The following ACE variants were observed in gnomAD, a reference collection of about 807,000 sequenced individuals.
ACE encodes the protein angiotensin-converting enzyme.
In ACE, 122 loss-of-function variants were observed where a neutral mutation model predicts 162.3. The ratio of observed to expected loss-of-function variants is 0.75; its 90% CI spans 0.65 to 0.87. The LOEUF (loss-of-function observed/expected upper bound fraction) is 0.87. Ranked by LOEUF, ACE falls within the 40% of genes least tolerant of loss-of-function variation. The pLI is 0.00. For missense variants in ACE, 1,799 were observed against 1,735.1 expected (o/e 1.04, Z -0.65); for synonymous variants, 796 against 720.6 (o/e 1.10, Z -1.68).
At chr17:63,487,914 T>A (rs967193602) in intron 15 of ACE, among the ~76,000 whole-genome samples, 4 of 152,156 alleles carry the variant, frequency 2.6e-5, no homozygotes, top group Non-Finnish European at 5.9e-5. Flanking sequence ...GCCTACAAGT[T>A]GTGGATGTGG....
In ACE at chr17:63,484,019, G is replaced by T. The variant is rs1480723447; in HGVS notation, c.1709+48G>T. The T allele has an allele frequency of 3.2e-6, 5 of 1,569,764 alleles. No individual in the cohort carries two copies. The highest frequency in any genetic ancestry group is 4.3e-6 in the Non-Finnish European group (5 of 1,159,436). On this transcript the variant is annotated intron_variant, in intron 11 of 24. Transcript: ENST00000290866. The surrounding 1 kb of genome is among the most constrained non-coding windows in gnomAD (Gnocchi z 4.0). The stretch of plus-strand genomic sequence containing the variant: ...AAGTGGGAGGCAGAGAGGAGCGGCT[G>T]GCAAAGGGTGTGGCAGGAGGTGTCT...
In ACE at chr17:63,483,137, C is replaced by A; in HGVS notation, c.1451C>A (p.Pro484His). ...WRWGVFSGRTPPSRYNFDWWY... is the reference protein window; with the variant it reads ...WRWGVFSGRTHPSRYNFDWWY... Reference sequence around the variant, plus strand: ...TGGGGGGTCTTTAGTGGGCGTACCCCCCCTTCCCGCTACAACTTCGACTGG... The same window carrying A: ...TGGGGGGTCTTTAGTGGGCGTACCCACCCTTCCCGCTACAACTTCGACTGG... The change falls in exon 9 of 25, where the codon CCC becomes CAC. Residue 484 changes from proline to histidine, a missense_variant. Coordinates refer to ENST00000290866, the MANE Select transcript of ACE (RefSeq NM_000789.4). The A allele has an allele frequency of 6.2e-7, 1 of 1,614,070 alleles. No individual in the cohort carries two copies.
chr17:63,485,007 C>CCAG (rs1281526284), intron 12 of ACE: 3 of 1,610,930 alleles, frequency 1.9e-6, no homozygotes, highest in Non-Finnish European at 2.5e-6. Flanking sequence ...CAGGCAACAA[C>CCAG]CAGCAGCCAG....
intron 2 of ACE, chr17:63,478,722 G>A (rs1301661164): frequency 2.0e-6 from 1 of 503,156 alleles, no homozygotes; most frequent in African/African-American, 1.9e-5. Context: ...GCCAGAGAAT[G>A]GGAGGGATCT....
In ACE at chr17:63,485,391, C is replaced by T; in HGVS notation, c.2058+19C>T. Reference sequence around the variant, plus strand: ...GATTCTGGTGGGAGCCACCTCCCCACCCCCAAACCTGAGCATGTGCATACA... The same window carrying T: ...GATTCTGGTGGGAGCCACCTCCCCATCCCCAAACCTGAGCATGTGCATACA... On this transcript the variant is annotated intron_variant, in intron 13 of 24. Coordinates refer to ENST00000290866, the MANE Select transcript of ACE (RefSeq NM_000789.4). The T allele has an allele frequency of 6.2e-7, 1 of 1,613,618 alleles. No homozygotes were observed. Among genetic ancestry groups the T allele is most frequent in the South Asian group, 1.1e-5 (1 of 91,026 alleles).
At chr17:63,477,775 G>C in intron 1 of ACE, 156 bp from the exon 2 acceptor site, 2 of 854,704 alleles carry the variant, frequency 2.3e-6, no homozygotes, top group Non-Finnish European at 3.6e-6. Context: ...AGGAAGCGCG[G>C]CTTCCGCAAA....
In ACE at chr17:63,491,479, C is replaced by G; in HGVS notation, c.2912+98C>G. 1 of 1,524,168 alleles carries G rather than the reference C, an allele frequency of 6.6e-7. No homozygotes were observed. The highest frequency in any genetic ancestry group is 9.0e-7 in the Non-Finnish European group (1 of 1,108,654). 94.4% of individuals were successfully genotyped at this position (1,524,168 alleles called of 1,614,324 possible). A position where few individuals can be genotyped will look rare whatever the true frequency, so the allele number is the denominator to read the frequency against. ...ACTACTGTCCCCCAGCTGGAGCCAG[C>G]AGGGCAGGATGGGGACAGGGCCAGA... On this transcript the variant is annotated intron_variant, in intron 19 of 24. Coordinates refer to ENST00000290866, the MANE Select transcript of ACE (RefSeq NM_000789.4). The surrounding 1 kb of genome is among the most constrained non-coding windows in gnomAD (Gnocchi z 4.4).
chr17:63,477,214 TG>T lies in ACE; in HGVS notation c.121del (p.Ala41LeufsTer104). 6.7e-7 allele frequency: 1 copy of T among 1,493,442 alleles called. No homozygotes were observed. 92.5% of individuals were successfully genotyped at this position (1,493,442 alleles called of 1,614,324 possible). A position where few individuals can be genotyped will look rare whatever the true frequency, so the allele number is the denominator to read the frequency against. On this transcript the variant is annotated frameshift_variant, in exon 1 of 25. Coordinates refer to ENST00000290866, the MANE Select transcript of ACE (RefSeq NM_000789.4). LOFTEE classifies it high-confidence loss of function. Reference sequence around the variant, plus strand: ...CCGGGCTGCAGCCCGGCAACTTTTCTGCTGACGAGGCCGGGGCGCAGCTCTT... The same window carrying T: ...CCGGGCTGCAGCCCGGCAACTTTTCTCTGACGAGGCCGGGGCGCAGCTCTT... ...DPGLQPGNFSADEAGAQLFAQ... is the reference protein window; with the variant it reads ...DPGLQPGNFSXDEAGAQLFAQ...
intron 17 of ACE, 24 bp downstream of exon 17, chr17:63,489,156 A>G: frequency 6.2e-7 from 1 of 1,601,406 alleles, no homozygotes; most frequent in Non-Finnish European, 8.5e-7. Flanking sequence ...TCGGGCCTTG[A>G]GGAGGGTAAA....
intron 9 of ACE, 83 bp downstream of exon 9, chr17:63,483,256 G>C: frequency 1.2e-6 from 2 of 1,606,398 alleles, no homozygotes; most frequent in East Asian, 2.2e-5. Flanking sequence ...GCCCCAGCCA[G>C]TTCTAGCCTC....
Position 63,494,101 on chromosome 17 carries a change from G to GA in ACE, c.3281+36dup, listed in dbSNP as rs1163506244. ...CACTCCCACGGGATGCGGGCTGGGGGATCTCTGCGAGTGTCTGCATGTGCC... is the reference window on the plus strand; with the variant it reads ...CACTCCCACGGGATGCGGGCTGGGGGAATCTCTGCGAGTGTCTGCATGTGCC... On this transcript the variant is annotated intron_variant, in intron 21 of 24. Transcript: ENST00000290866. 3 of 1,612,344 alleles carry GA rather than the reference G, an allele frequency of 1.9e-6. No homozygotes were observed. In the South Asian group the frequency reaches 3.3e-5, roughly 18 times the overall value.
Position 63,490,976 on chromosome 17 carries a change from G to C in ACE, c.2664G>C (p.Trp888Cys), listed in dbSNP as rs1157631466. 5 of 1,614,176 alleles carry C rather than the reference G, an allele frequency of 3.1e-6. No individual in the cohort carries two copies. The highest frequency in any genetic ancestry group is 4.2e-6 in the Non-Finnish European group (5 of 1,180,032). ...HLLGNMWAQT[W>C]SNIYDLVVPF... ...CAGGGAACATGTGGGCGCAGACCTGGTCCAACATCTATGACTTGGTGGTGC... is the reference window on the plus strand; with the variant it reads ...CAGGGAACATGTGGGCGCAGACCTGCTCCAACATCTATGACTTGGTGGTGC... The change falls in exon 18 of 25, where the codon TGG becomes TGC. Residue 888 changes from tryptophan to cysteine, a missense_variant. Physicochemically the swap from Trp to Cys is radical, Grantham distance 215. Coordinates refer to ENST00000290866, the MANE Select transcript of ACE (RefSeq NM_000789.4).
Position 63,486,615 on chromosome 17 carries a change from A to G in ACE, c.2117A>G (p.Lys706Arg), listed in dbSNP as rs777673950. The G allele has an allele frequency of 6.2e-7, 1 of 1,614,248 alleles. No homozygotes were observed. The highest frequency in any genetic ancestry group is 2.2e-5 in the East Asian group (1 of 44,888). ...HTLKYGTQAR[K>R]FDVNQLQNTT... Reference sequence around the variant, plus strand: ...CTGAAGTACGGCACCCAGGCCAGGAAGTTTGATGTGAACCAGTTGCAGAAC... The same window carrying G: ...CTGAAGTACGGCACCCAGGCCAGGAGGTTTGATGTGAACCAGTTGCAGAAC... The change falls in exon 14 of 25, where the codon AAG (lysine) becomes AGG (arginine). Residue 706 changes from lysine to arginine, a missense_variant. Transcript: ENST00000290866.
chr17:63,477,409 C>A, intron 1 of ACE, 66 bp downstream of exon 1: 1 of 1,152,334 alleles, frequency 8.7e-7, no homozygotes, highest in Non-Finnish European at 1.1e-6. Context: ...ACGCGGCCGG[C>A]TTGTGGGGCG....
At chr17:63,477,452 C>A in intron 1 of ACE, 109 bp downstream of exon 1, 2 of 904,154 alleles carry the variant, frequency 2.2e-6, no homozygotes, top group Non-Finnish European at 2.8e-6. Flanking sequence ...GAACCCCACC[C>A]CGACCCCGGA....
chr17:63,481,675 C>T lies in ACE; in HGVS notation c.1055C>T (p.Ala352Val). The T allele has an allele frequency of 6.2e-7, 1 of 1,614,150 alleles. No individual in the cohort carries two copies. The highest frequency in any genetic ancestry group is 8.5e-7 in the Non-Finnish European group (1 of 1,180,028). The change falls in exon 7 of 25, where the codon GCC (alanine) becomes GTC (valine). Residue 352 changes from alanine to valine, a missense_variant. Ala to Val is a moderately conservative substitution (Grantham distance 64, BLOSUM62 0). Coordinates refer to ENST00000290866, the MANE Select transcript of ACE (RefSeq NM_000789.4). ...GAAGGGTCGATGCTGGAGAAGCCGGCCGACGGGCGGGAAGTGGTGTGCCAC... is the reference window on the plus strand; with the variant it reads ...GAAGGGTCGATGCTGGAGAAGCCGGTCGACGGGCGGGAAGTGGTGTGCCAC... ...FWEGSMLEKPADGREVVCHAS... is the reference protein window; with the variant it reads ...FWEGSMLEKPVDGREVVCHAS...
At chr17:63,490,435 C>G (rs1007199295) in intron 17 of ACE, 5 of 202,732 alleles carry the variant, frequency 2.5e-5, no homozygotes, top group African/African-American at 1.2e-4. Context: ...AAGAGAGCAG[C>G]CTGCCAGCCT....
In ACE at chr17:63,493,904, G is replaced by C. The variant is rs1160900587; in HGVS notation, c.3137-18G>C. On this transcript the variant is annotated intron_variant, in intron 20 of 24. Coordinates refer to ENST00000290866, the MANE Select transcript of ACE (RefSeq NM_000789.4). ...GCTAGGACCCTGGGTCTGACAGCTG[G>C]GCTCCCTTCCCTTGCAGAGCATGAC... 4 of 1,614,130 alleles carry C rather than the reference G, an allele frequency of 2.5e-6. No individual in the cohort carries two copies. Among genetic ancestry groups the C allele is most frequent in the Middle Eastern group, 1.6e-4 (1 of 6,062 alleles).
chr17:63,480,386 C>G lies in ACE; in HGVS notation c.705C>G (p.Thr235=). The change falls in exon 5 of 25, where the codon ACC becomes ACG. Residue 235 remains threonine, a synonymous_variant. Coordinates refer to ENST00000290866, the MANE Select transcript of ACE (RefSeq NM_000789.4). ...AYWRSWYNSP[T]FEDDLEHLYQ... The stretch of plus-strand genomic sequence containing the variant: ...GGCGCTCCTGGTACAACTCCCCCAC[C>G]TTCGAGGACGATCTGGAACACCTCT... The G allele has an allele frequency of 1.2e-6, 2 of 1,614,142 alleles. No individual in the cohort carries two copies. The highest frequency in any genetic ancestry group is 1.7e-6 in the Non-Finnish European group (2 of 1,180,024).
Sources: gnomAD v4.1 joint callset for allele counts (sites outside exome capture counted in the v4.1 genomes callset) on GRCh38, gnomAD v4.1.1 for gene constraint, Gnocchi (gnomAD v3.1) non-coding constraint, MANE v1.5 for transcripts, NCBI Gene and HGNC (gene_info 2026-07-23, HGNC 2026-07-21) for gene names.